The following ZMYM4 variants were observed in gnomAD, a reference collection of about 807,000 sequenced individuals.
ZMYM4 encodes zinc finger MYM-type containing 4.
Under a neutral mutation model 183.2 loss-of-function variants are expected in ZMYM4, and 31 were observed. That is an observed-to-expected ratio of 0.17 (90% CI 0.13 to 0.23). ZMYM4 has a LOEUF of 0.23. ZMYM4 is among the 10% of genes least tolerant of loss of function. The pLI, the probability that ZMYM4 is intolerant of heterozygous loss-of-function variation, is 1.00. For missense variants in ZMYM4, 1,273 were observed against 1,840.3 expected (o/e 0.69, Z 5.64); for synonymous variants, 592 against 631.2 (o/e 0.94, Z 0.93).
chr1:35,381,746 G>C lies in ZMYM4; in HGVS notation c.1557G>C (p.Thr519=). ...SKKFCSSSCI[T]AYKQKSAKIT... The stretch of plus-strand genomic sequence containing the variant: ...AGTTTTGTAGTTCATCGTGTATCAC[G>C]GCATACAAGCAGGTACATGACCATA... Residue 519 remains threonine (T), a synonymous_variant, in exon 9 of 30, where the codon ACG becomes ACC. Coordinates refer to ENST00000314607, the MANE Select transcript of ZMYM4 (RefSeq NM_005095.3). 2 of 1,614,060 alleles carry C rather than the reference G, an allele frequency of 1.2e-6. No homozygotes were observed.
At chr1:35,400,956 T>G (rs1207855541) in intron 23 of ZMYM4, among the ~76,000 whole-genome samples, 1 of 152,244 alleles carries the variant, frequency 6.6e-6, no homozygotes, top group Admixed American at 6.5e-5. Context: ...TGATTCCTTT[T>G]TATTTCTGAG....
intron 2 of ZMYM4, among the ~76,000 whole-genome samples, chr1:35,331,797 C>CATAA (rs56242648): frequency 0.54 from 75,070 of 140,122 alleles, 21,960 homozygotes; most frequent in Non-Finnish European, 0.68. Context: ...CTCAAAAATA[C>CATAA]ATAAATAAAT....
chr1:35,319,977 T>C (rs1642215097), intron 1 of ZMYM4, among the ~76,000 whole-genome samples: 1 of 152,254 alleles, frequency 6.6e-6, no homozygotes, highest in South Asian at 2.1e-4. Flanking sequence ...GTTTTTGTTA[T>C]ATTTTACGCA....
At chr1:35,364,048 G>A (rs1644010070) in intron 5 of ZMYM4, among the ~76,000 whole-genome samples, 1 of 152,174 alleles carries the variant, frequency 6.6e-6, no homozygotes, top group Non-Finnish European at 1.5e-5. Context: ...AACAATCAGA[G>A]GTTCCAGTGG....
intron 1 of ZMYM4, among the ~76,000 whole-genome samples, chr1:35,285,997 C>G (rs943857233): frequency 1.8e-4 from 27 of 152,106 alleles, no homozygotes; most frequent in African/African-American, 6.5e-4. Context: ...ATGAGGATGC[C>G]TTCTTTCACC....
chr1:35,370,790 C>A, intron 7 of ZMYM4, 163 bp downstream of exon 7: 1 of 767,858 alleles, frequency 1.3e-6, no homozygotes, highest in East Asian at 3.5e-5. Context: ...TCAGTTGTTG[C>A]TTTTCAGTCT....
chr1:35,301,321 C>T (rs1056856540), intron 1 of ZMYM4, among the ~76,000 whole-genome samples: 12 of 152,010 alleles, frequency 7.9e-5, no homozygotes, highest in African/African-American at 1.9e-4. Context: ...CCAAGGCGGG[C>T]GGATCACTTA....
At chr1:35,408,228 T>TGCACATG in intron 26 of ZMYM4, 69 bp downstream of exon 26, 1 of 1,574,618 alleles carries the variant, frequency 6.4e-7, no homozygotes, top group Non-Finnish European at 8.7e-7. Flanking sequence ...CCCACAGAAA[T>TGCACATG]TACATGCACA....
chr1:35,395,213 T>A (rs996978871), intron 18 of ZMYM4, among the ~76,000 whole-genome samples: 5 of 151,572 alleles, frequency 3.3e-5, no homozygotes, highest in Non-Finnish European at 5.9e-5. Context: ...TTTTTTTTTT[T>A]AATCAATAGC....
intron 1 of ZMYM4, among the ~76,000 whole-genome samples, chr1:35,282,366 G>A (rs1349765870): frequency 3.9e-5 from 6 of 152,152 alleles, no homozygotes; most frequent in Non-Finnish European, 8.8e-5. Flanking sequence ...CTCACCAAAA[G>A]CTAAGCAGAC....
In ZMYM4 at chr1:35,268,823, G is replaced by A. The variant is rs1354808068; in HGVS notation, c.-224G>A. On this transcript the variant is annotated 5_prime_UTR_variant, in exon 1 of 30. Coordinates refer to ENST00000314607, the MANE Select transcript of ZMYM4 (RefSeq NM_005095.3). Reference sequence around the variant, plus strand: ...CCCCCCGAGTCCCGGCCCCCACCCCGTCCCCGGGCAGGCCCTCCCGCCCAC... The same window carrying A: ...CCCCCCGAGTCCCGGCCCCCACCCCATCCCCGGGCAGGCCCTCCCGCCCAC... 7.8e-6 allele frequency: 3 copies of A among 385,112 alleles called. No homozygotes were observed. The highest frequency in any genetic ancestry group is 1.3e-5 in the Non-Finnish European group (3 of 223,672). 23.9% of individuals were successfully genotyped at this position (385,112 alleles called of 1,614,324 possible). A position where few individuals can be genotyped will look rare whatever the true frequency, so the allele number is the denominator to read the frequency against.
intron 25 of ZMYM4, among the ~76,000 whole-genome samples, chr1:35,407,501 ATGTACCATTAAGCAC>A (rs928029180): frequency 2.0e-5 from 3 of 152,120 alleles, no homozygotes; most frequent in African/African-American, 7.2e-5. Flanking sequence ...AGAGCCTTTA[ATGTACCATTAAGCAC>A]TGTGAATTCT....
chr1:35,280,256 CTCTT>C (rs962469384), intron 1 of ZMYM4, among the ~76,000 whole-genome samples: 1 of 129,976 alleles, frequency 7.7e-6, no homozygotes, highest in Non-Finnish European at 1.5e-5. Flanking sequence ...CTTTCTTTCT[CTCTT>C]TCTCTCTCTC....
chr1:35,387,198 T>A lies in ZMYM4; in HGVS notation c.2032T>A (p.Phe678Ile). 1 of 1,614,192 alleles carries A rather than the reference T, an allele frequency of 6.2e-7. No homozygotes were observed. Among genetic ancestry groups the A allele is most frequent in the South Asian group, 1.1e-5 (1 of 91,082 alleles). ...CGCTGCCCAGTCCCAGCATGTTGGG[T>A]TTGCACGAAGTGTTGTGAAACTCAA... ...RLAAQSQHVG[F>I]ARSVVKLKCQ... Residue 678 changes from phenylalanine to isoleucine, a missense_variant, in exon 12 of 30, where the codon TTT becomes ATT. Around this residue, in one of 6 missense-constraint regions of ZMYM4, gnomAD observed 319 missense variants for 518.1 expected, o/e 0.62. Coordinates refer to ENST00000314607, the MANE Select transcript of ZMYM4 (RefSeq NM_005095.3).
chr1:35,349,990 GTCTC>G (rs1342858468), intron 2 of ZMYM4, among the ~76,000 whole-genome samples: 3 of 150,666 alleles, frequency 2.0e-5, no homozygotes, highest in Admixed American at 6.6e-5. Flanking sequence ...TAAAGACAGA[GTCTC>G]TCTCTGTCAC....
intron 2 of ZMYM4, chr1:35,358,698 T>G: frequency 2.3e-6 from 1 of 441,972 alleles, no homozygotes; most frequent in East Asian, 3.7e-5. Flanking sequence ...CACGTAGCTT[T>G]CTTTTCTAAC....
At chr1:35,269,677 C>T (rs1175566872) in intron 1 of ZMYM4, among the ~76,000 whole-genome samples, 1 of 152,188 alleles carries the variant, frequency 6.6e-6, no homozygotes, top group African/African-American at 2.4e-5. Flanking sequence ...ATGTTCTAGC[C>T]TAGCCTCTTA....
At position 35,387,571 on chromosome 1, in the gene ZMYM4, T is replaced by C; in HGVS notation, c.2230T>C (p.Phe744Leu). 1 of 1,613,414 alleles carries C rather than the reference T, an allele frequency of 6.2e-7. No homozygotes were observed. The highest frequency in any genetic ancestry group is 8.5e-7 in the Non-Finnish European group (1 of 1,179,804). Residue 744 changes from phenylalanine to leucine, a missense_variant, in exon 13 of 30, where the codon TTC (phenylalanine) becomes CTC (leucine). This residue lies in a region of ZMYM4 where 319 missense variants were observed against 518.1 expected (regional missense o/e 0.62). Coordinates refer to ENST00000314607, the MANE Select transcript of ZMYM4 (RefSeq NM_005095.3). The part of the protein sequence containing the change: ...IEKIVKETVR[F>L]SGADKSFCSE... ...GAAAATTGTAAAGGAGACTGTTCGG[T>C]TCTCAGGTGCTGACAAGTCATTCTG...
chr1:35,392,737 A>T (rs1207398432), intron 17 of ZMYM4, 53 bp downstream of exon 17: 1 of 1,425,386 alleles, frequency 7.0e-7, no homozygotes, highest in South Asian at 1.3e-5. Flanking sequence ...TTTCATTTTC[A>T]TACAGTATAA....
Sources: allele counts gnomAD v4.1 joint callset (sites outside exome capture counted in the v4.1 genomes callset), GRCh38; gene constraint gnomAD v4.1.1; regional missense constraint gnomAD v4.1.1; transcripts MANE v1.5; gene names NCBI Gene and HGNC (gene_info 2026-07-23, HGNC 2026-07-21).